The following MAGI2 variants were observed in gnomAD, a reference collection of about 807,000 sequenced individuals.
MAGI2 encodes the protein membrane-associated guanylate kinase, WW and PDZ domain-containing protein 2.
Under a neutral mutation model 133.3 loss-of-function variants are expected in MAGI2, and 35 were observed. The ratio of observed to expected loss-of-function variants is 0.26; its 90% CI spans 0.20 to 0.35. MAGI2 has a LOEUF of 0.35. MAGI2 is among the 10% of genes least tolerant of loss of function. The pLI, the probability that MAGI2 is intolerant of heterozygous loss-of-function variation, is 1.00. For synonymous variants in MAGI2, 729 were observed against 710.6 expected, an observed-to-expected ratio of 1.03 and a Z score of -0.41; for missense variants, 1,636 against 1,863.4, an observed-to-expected ratio of 0.88 and a Z score of 2.25.
At chr7:78,060,103 G>A (rs1455610538) in intron 21 of MAGI2, among the ~76,000 whole-genome samples, 1 of 152,178 alleles carries the variant, frequency 6.6e-6, no homozygotes, top group African/African-American at 2.4e-5. Flanking sequence ...ACACTTTGTA[G>A]TAACAGTAAA....
In MAGI2 at chr7:79,453,394, G is replaced by A. The variant is rs144132662; in HGVS notation, c.-74C>T. The A allele has an allele frequency of 2.2e-3, 3,304 of 1,522,346 alleles. 5 individuals are homozygous for A. Among genetic ancestry groups the A allele is most frequent in the Non-Finnish European group, 2.7e-3 (3,087 of 1,139,680 alleles). 94.3% of individuals were successfully genotyped at this position (1,522,346 alleles called of 1,614,324 possible). A position where few individuals can be genotyped will look rare whatever the true frequency, so the allele number is the denominator to read the frequency against. On this transcript the variant is annotated 5_prime_UTR_variant, in exon 1 of 22. Transcript: ENST00000354212. ...GGCTGGTGGTGAGAGAATGAGGATG[G>A]AGGAGCAAGGGGGCCCAGGGGGAAG...
chr7:78,606,583 T>C (rs971909302), intron 3 of MAGI2, among the ~76,000 whole-genome samples: 1 of 152,298 alleles, frequency 6.6e-6, no homozygotes, highest in African/African-American at 2.4e-5. Flanking sequence ...TGGAATGTTC[T>C]GAAAATGCTA....
At chr7:79,204,589 A>G (rs1828879008) in intron 1 of MAGI2, among the ~76,000 whole-genome samples, 1 of 152,044 alleles carries the variant, frequency 6.6e-6, no homozygotes, top group South Asian at 2.1e-4. Context: ...AACATCATCA[A>G]ATGAACAAAA....
At chr7:78,029,331 G>C (rs1043491390) in intron 21 of MAGI2, among the ~76,000 whole-genome samples, 15 of 152,322 alleles carry the variant, frequency 9.8e-5, no homozygotes, top group South Asian at 2.1e-4. Flanking sequence ...CTGCATTAGA[G>C]AATCTATGAG....
chr7:79,338,708 T>C (rs182731323), intron 1 of MAGI2, among the ~76,000 whole-genome samples: 1 of 152,080 alleles, frequency 6.6e-6, no homozygotes, highest in Non-Finnish European at 1.5e-5. Flanking sequence ...CTAAATATGT[T>C]GTATCCCATG....
chr7:79,027,967 T>A (rs1029046123), intron 1 of MAGI2, among the ~76,000 whole-genome samples: 4 of 151,326 alleles, frequency 2.6e-5, no homozygotes, highest in Admixed American at 2.6e-4. Context: ...AAAAAACATA[T>A]CTTTGGGAGG....
chr7:78,770,990 C>T (rs1212287991), intron 2 of MAGI2: 1 of 152,174 alleles, frequency 6.6e-6, no homozygotes, highest in Non-Finnish European at 1.5e-5. Context: ...TAGAAGTAGT[C>T]TCAGCTGAGC....
chr7:78,869,521 C>T lies in MAGI2; in HGVS notation c.418+137569G>A, dbSNP rs142906729. ...GTTTTCACACTGCTGTAAAGAAGTACCTGAGACTGGGTAATTTATAAAGGA... is the reference window on the plus strand; with the variant it reads ...GTTTTCACACTGCTGTAAAGAAGTATCTGAGACTGGGTAATTTATAAAGGA... On this transcript the variant is annotated intron_variant, in intron 2 of 21. Coordinates refer to ENST00000354212, the MANE Select transcript of MAGI2 (RefSeq NM_012301.4). Among the ~76,000 whole-genome samples the T allele has an allele frequency of 7.6e-3, 1,154 of 152,146 alleles. 19 individuals are homozygous for T. Among genetic ancestry groups the T allele is most frequent in the African/African-American group, 0.026 (1,092 of 41,502 alleles).
chr7:78,070,170 CACACATATATATATAT>C (rs1159390998), intron 21 of MAGI2, among the ~76,000 whole-genome samples: 4,572 of 86,882 alleles, frequency 0.053, 171 homozygotes, highest in Non-Finnish European at 0.068. Context: ...TATACACACA[CACACATATATATATAT>C]ATATATATAT....
chr7:78,598,402 C>A (rs575081212), intron 3 of MAGI2, among the ~76,000 whole-genome samples: 1 of 151,916 alleles, frequency 6.6e-6, no homozygotes, highest in Non-Finnish European at 1.5e-5. Flanking sequence ...AGAAGGAAAA[C>A]CTTGAGTTAT....
At chr7:78,295,274 C>T (rs1223098659) in intron 9 of MAGI2, among the ~76,000 whole-genome samples, 1 of 152,100 alleles carries the variant, frequency 6.6e-6, no homozygotes, top group Admixed American at 6.6e-5. Flanking sequence ...CAGCTGCTTC[C>T]GCCTTATATC....
intron 2 of MAGI2, among the ~76,000 whole-genome samples, chr7:78,879,349 A>G (rs1249283216): frequency 2.0e-5 from 3 of 152,126 alleles, no homozygotes; most frequent in South Asian, 4.1e-4. Flanking sequence ...ACAAGAATAA[A>G]TTATATACCC....
intron 10 of MAGI2, among the ~76,000 whole-genome samples, chr7:78,205,235 G>A (rs888245112): frequency 6.6e-6 from 1 of 152,156 alleles, no homozygotes; most frequent in Admixed American, 6.5e-5. Flanking sequence ...AGGCTAAAGC[G>A]ATCCTCCCTC....
chr7:79,220,715 A>G (rs1337686623), intron 1 of MAGI2, among the ~76,000 whole-genome samples: 1 of 152,080 alleles, frequency 6.6e-6, no homozygotes, highest in Non-Finnish European at 1.5e-5. Flanking sequence ...ACCTCACTCT[A>G]TTAAACTCTT....
chr7:79,088,341 T>C (rs1005311535), intron 1 of MAGI2, among the ~76,000 whole-genome samples: 6 of 152,120 alleles, frequency 3.9e-5, no homozygotes, highest in Non-Finnish European at 8.8e-5. Flanking sequence ...GGAATGCTTG[T>C]GATTTTTGCA....
intron 20 of MAGI2, among the ~76,000 whole-genome samples, chr7:78,106,350 AT>A (rs1427152812): frequency 6.6e-6 from 1 of 152,036 alleles, no homozygotes; most frequent in Non-Finnish European, 1.5e-5. Context: ...AAATACACTG[AT>A]TTCCTTTCTT....
chr7:78,949,524 A>G (rs1020595183), intron 2 of MAGI2, among the ~76,000 whole-genome samples: 2 of 152,224 alleles, frequency 1.3e-5, no homozygotes, highest in Non-Finnish European at 2.9e-5. Flanking sequence ...CATGCTTGAA[A>G]TCAGAGGCTA....
At chr7:78,273,449 G>A (rs894711284) in intron 9 of MAGI2, among the ~76,000 whole-genome samples, 6 of 152,104 alleles carry the variant, frequency 3.9e-5, no homozygotes, top group African/African-American at 1.4e-4. Context: ...TCTTTGTGGT[G>A]TTCTCTGAAT....
At chr7:78,083,225 C>G (rs569903292) in intron 20 of MAGI2, among the ~76,000 whole-genome samples, 1 of 152,022 alleles carries the variant, frequency 6.6e-6, no homozygotes, top group East Asian at 1.9e-4. Context: ...TTTCTATACT[C>G]TCTCTGCCAC....
Sources: allele counts gnomAD v4.1 joint callset (sites outside exome capture counted in the v4.1 genomes callset), GRCh38; gene constraint gnomAD v4.1.1; transcripts MANE v1.5; gene names NCBI Gene and HGNC (gene_info 2026-07-23, HGNC 2026-07-21).